The following CDKAL1 variants were observed in gnomAD, a reference collection of about 807,000 sequenced individuals.
CDKAL1 encodes the protein threonylcarbamoyladenosine tRNA methylthiotransferase.
Under a neutral mutation model 68.2 loss-of-function variants are expected in CDKAL1, and 32 were observed. The observed-to-expected ratio is 0.47, with a 90% CI of 0.35 to 0.63. The LOEUF (loss-of-function observed/expected upper bound fraction) is 0.63. Among genes scored for constraint, CDKAL1 ranks in the 30% least tolerant of loss-of-function variants. The probability of loss-of-function intolerance (pLI) is 0.00; values close to 1 mark genes in which losing one functional copy is unlikely to be tolerated. For missense variants in CDKAL1, 606 were observed against 696.7 expected, an observed-to-expected ratio of 0.87 and a Z score of 1.47; for synonymous variants, 234 against 244.3, an observed-to-expected ratio of 0.96 and a Z score of 0.39.
intron 8 of CDKAL1, among the ~76,000 whole-genome samples, chr6:20,787,010 TATAA>T (rs1775705226): frequency 6.6e-6 from 1 of 152,200 alleles, no homozygotes; most frequent in Non-Finnish European, 1.5e-5. Context: ...ACAGTTCTTA[TATAA>T]ATTATATCAT....
At chr6:20,749,060 A>G (rs16884190) in intron 6 of CDKAL1, among the ~76,000 whole-genome samples, 8,409 of 151,976 alleles carry the variant, frequency 0.055, 266 homozygotes, top group African/African-American at 0.094. Flanking sequence ...GTATCTTGGG[A>G]TAAAATCAAG....
At chr6:20,722,889 A>G (rs913488482) in intron 5 of CDKAL1, among the ~76,000 whole-genome samples, 29 of 152,036 alleles carry the variant, frequency 1.9e-4, no homozygotes, top group Non-Finnish European at 2.8e-4. Flanking sequence ...GGTAGAGACA[A>G]CCTGACTTTG....
Position 21,160,367 on chromosome 6 carries a change from G to A in CDKAL1, c.1300-37654G>A, listed in dbSNP as rs868793543. On this transcript the variant is annotated intron_variant, in intron 13 of 15. Transcript: ENST00000274695. The stretch of plus-strand genomic sequence containing the variant: ...GGCTGGAGTACAGTGGCGCAATCTC[G>A]GCTCACTGCAACCTCTGCCTCCCGG... Among the ~76,000 whole-genome samples, 9 of 151,020 alleles carry A rather than the reference G, an allele frequency of 6.0e-5. No individual in the cohort carries two copies. The East Asian group carries it at 7.8e-4, about 13-fold the overall frequency.
In CDKAL1 at chr6:20,879,687, T is replaced by A. The variant is rs114185646; in HGVS notation, c.742+33509T>A. 7.6e-3 allele frequency among the ~76,000 whole-genome samples: 1,161 copies of A among 152,316 alleles called. 17 individuals carry two copies. Among genetic ancestry groups the A allele is most frequent in the African/African-American group, 0.026 (1,094 of 41,564 alleles). On this transcript the variant is annotated intron_variant, in intron 9 of 15. Coordinates refer to ENST00000274695, the MANE Select transcript of CDKAL1 (RefSeq NM_017774.3). ...CTGGATTTCCTGCATTTCTCACTTGTGCTCTCCTCTGACTTTTCTGACCTC... is the reference window on the plus strand; with the variant it reads ...CTGGATTTCCTGCATTTCTCACTTGAGCTCTCCTCTGACTTTTCTGACCTC...
chr6:21,228,579 C>T (rs1441255837), intron 15 of CDKAL1, among the ~76,000 whole-genome samples: 2 of 152,190 alleles, frequency 1.3e-5, no homozygotes, highest in African/African-American at 4.8e-5. Flanking sequence ...GATGGTTGCT[C>T]ATCTCATTGG....
intron 7 of CDKAL1, among the ~76,000 whole-genome samples, chr6:20,769,565 A>G (rs891792744): frequency 2.0e-5 from 3 of 152,026 alleles, no homozygotes; most frequent in African/African-American, 7.2e-5. Context: ...CTTGATCATC[A>G]TTATCAATGC....
chr6:21,212,332 G>T (rs1416907558), intron 15 of CDKAL1, among the ~76,000 whole-genome samples: 7 of 151,936 alleles, frequency 4.6e-5, no homozygotes, highest in African/African-American at 1.7e-4. Flanking sequence ...TTCTTCAATG[G>T]TTAAAAAAAA....
chr6:20,800,086 A>G (rs142645347), intron 8 of CDKAL1, among the ~76,000 whole-genome samples: 4 of 152,368 alleles, frequency 2.6e-5, no homozygotes, highest in Non-Finnish European at 5.9e-5. Flanking sequence ...TGGATTCCCT[A>G]CAATATCTCA....
chr6:20,888,910 G>A (rs1233993362), intron 9 of CDKAL1, among the ~76,000 whole-genome samples: 1 of 152,106 alleles, frequency 6.6e-6, no homozygotes, highest in African/African-American at 2.4e-5. Context: ...TGGGTCAAAT[G>A]GTATTTCTAG....
chr6:20,900,778 C>A (rs1761922443), intron 9 of CDKAL1, among the ~76,000 whole-genome samples: 8 of 152,054 alleles, frequency 5.3e-5, no homozygotes. Context: ...AGTATCCCTG[C>A]CTAAGTAATG....
At chr6:21,019,333 T>C (rs576632563) in intron 11 of CDKAL1, among the ~76,000 whole-genome samples, 7 of 152,288 alleles carry the variant, frequency 4.6e-5, no homozygotes, top group Admixed American at 3.3e-4. Flanking sequence ...AGTTACTCCT[T>C]TTCTGTCTTT....
intron 9 of CDKAL1, among the ~76,000 whole-genome samples, chr6:20,947,327 A>T (rs1315622341): frequency 2.0e-5 from 3 of 152,234 alleles, no homozygotes; most frequent in Non-Finnish European, 2.9e-5. Flanking sequence ...TCATTGGCTC[A>T]CACCTGTAAT....
At chr6:20,802,315 C>CAATAATAATAATAATAATAATAAT (rs55851833) in intron 8 of CDKAL1, among the ~76,000 whole-genome samples, 1 of 115,500 alleles carries the variant, frequency 8.7e-6, no homozygotes, top group Non-Finnish European at 2.0e-5. Flanking sequence ...ACAACAACAA[C>CAATAATAATAATAATAATAATAAT]AATAATAATA....
At chr6:20,940,994 G>C (rs1763945984) in intron 9 of CDKAL1, among the ~76,000 whole-genome samples, 1 of 151,982 alleles carries the variant, frequency 6.6e-6, no homozygotes, top group Admixed American at 6.6e-5. Flanking sequence ...GGAGGCTGAG[G>C]CAGAATGCTG....
intron 9 of CDKAL1, among the ~76,000 whole-genome samples, chr6:20,867,703 G>C (rs1759982115): frequency 6.6e-6 from 1 of 152,144 alleles, no homozygotes; most frequent in East Asian, 1.9e-4. Context: ...AGAATCATGG[G>C]ACTTCATGGT....
At chr6:21,029,858 G>A (rs1769172787) in intron 11 of CDKAL1, among the ~76,000 whole-genome samples, 1 of 152,104 alleles carries the variant, frequency 6.6e-6, no homozygotes, top group Admixed American at 6.5e-5. Flanking sequence ...TGGAGGAATA[G>A]GAATGCTTTT....
At chr6:20,773,101 G>C (rs975286407) in intron 7 of CDKAL1, 1 of 152,196 alleles carries the variant, frequency 6.6e-6, no homozygotes, top group African/African-American at 2.4e-5. Context: ...AACAATTAGA[G>C]CTTGAGTTGT....
chr6:20,972,314 T>C (rs1765637686), intron 10 of CDKAL1, among the ~76,000 whole-genome samples: 1 of 152,222 alleles, frequency 6.6e-6, no homozygotes, highest in Non-Finnish European at 1.5e-5. Flanking sequence ...GCCAAGTTCA[T>C]GAGGCCTCAG....
intron 5 of CDKAL1, among the ~76,000 whole-genome samples, chr6:20,650,338 GT>G (rs1286266231): frequency 1.4e-4 from 22 of 152,156 alleles, no homozygotes; most frequent in Middle Eastern, 3.4e-3. Flanking sequence ...TTTTTCATAT[GT>G]TTTTTTGCTG....
Sources: gnomAD v4.1 joint callset for allele counts (sites outside exome capture counted in the v4.1 genomes callset) on GRCh38, gnomAD v4.1.1 for gene constraint, MANE v1.5 for transcripts, NCBI Gene and HGNC (gene_info 2026-07-23, HGNC 2026-07-21) for gene names.